TENM3: variants seen among roughly 807,000 people sequenced by gnomAD.
TENM3 encodes teneurin-3.
A neutral mutation model predicts 255.1 loss-of-function variants in TENM3; 63 were observed. The ratio of observed to expected loss-of-function variants is 0.25; its 90% confidence interval spans 0.20 to 0.30. The LOEUF is 0.30. Ranked by LOEUF, TENM3 falls within the 10% of genes least tolerant of loss-of-function variation. TENM3 has a pLI of 1.00. For synonymous variants in TENM3, 1,306 were observed against 1,322.3 expected, an observed-to-expected ratio of 0.99 and a Z score of 0.27; for missense variants, 2,929 against 3,461.1, an observed-to-expected ratio of 0.85 and a Z score of 3.86.
the TENM3 span, among the ~76,000 whole-genome samples, chr4:181,547,385 A>G: frequency 2.0e-5 from 3 of 152,218 alleles, no homozygotes; most frequent in Non-Finnish European, 4.4e-5. Flanking sequence ...TTAGAGGATC[A>G]ATCCAAAATA....
the TENM3 span, among the ~76,000 whole-genome samples, chr4:181,739,181 A>G: frequency 2.6e-5 from 4 of 152,212 alleles, no homozygotes; most frequent in South Asian, 8.3e-4. Context: ...ATTGCATTCA[A>G]TCAGCATCAG....
intron 7 of TENM3, among the ~76,000 whole-genome samples, chr4:182,677,892 A>G (rs187352093): frequency 1.3e-5 from 2 of 152,318 alleles, no homozygotes; most frequent in African/African-American, 4.8e-5. Context: ...TGATTCTCAG[A>G]AATTCCAACA....
the TENM3 span, among the ~76,000 whole-genome samples, chr4:182,073,832 G>C: frequency 6.6e-6 from 1 of 152,072 alleles, no homozygotes; most frequent in Non-Finnish European, 1.5e-5. Context: ...CAGGCATCAT[G>C]AAAACCCAAA....
intron 1 of TENM3, among the ~76,000 whole-genome samples, chr4:182,312,964 G>C (rs1250695183): frequency 6.6e-6 from 1 of 152,066 alleles, no homozygotes; most frequent in Non-Finnish European, 1.5e-5. Context: ...TATTACTAGT[G>C]TCTATTAAAT....
the TENM3 span, among the ~76,000 whole-genome samples, chr4:181,638,859 C>A: frequency 6.6e-6 from 1 of 152,110 alleles, no homozygotes; most frequent in Admixed American, 6.6e-5. Context: ...GGGCAATTAG[C>A]TTCTAAATTA....
intron 3 of TENM3, chr4:182,448,917 C>T (rs1773184870): frequency 5.8e-6 from 2 of 345,606 alleles, no homozygotes; most frequent in Non-Finnish European, 1.2e-5. Flanking sequence ...GCACCGCCCC[C>T]TCGGCGGCCG....
chr4:181,563,729 G>T, the TENM3 span, among the ~76,000 whole-genome samples: 4 of 152,072 alleles, frequency 2.6e-5, no homozygotes, highest in Non-Finnish European at 4.4e-5. Flanking sequence ...ACCCCAAATT[G>T]TCTCACTATT....
At chr4:182,685,239 T>C (rs2152571107) in intron 11 of TENM3, among the ~76,000 whole-genome samples, 1 of 152,258 alleles carries the variant, frequency 6.6e-6, no homozygotes, top group Non-Finnish European at 1.5e-5. Flanking sequence ...TCTTCTTCCC[T>C]TCCTTCCTGT....
At chr4:182,713,597 A>G (rs1758922534) in intron 12 of TENM3, among the ~76,000 whole-genome samples, 2 of 152,214 alleles carry the variant, frequency 1.3e-5, no homozygotes, top group Non-Finnish European at 2.9e-5. Flanking sequence ...TCTTTTTGAC[A>G]TCATTCATAT....
the TENM3 span, among the ~76,000 whole-genome samples, chr4:182,000,345 C>T: frequency 6.6e-6 from 1 of 152,010 alleles, no homozygotes; most frequent in African/African-American, 2.4e-5. Context: ...ACCACCGGGA[C>T]CTCCTTGATC....
chr4:181,562,078 C>T, the TENM3 span, among the ~76,000 whole-genome samples: 1 of 152,054 alleles, frequency 6.6e-6, no homozygotes, highest in African/African-American at 2.4e-5. Flanking sequence ...ATTAAGAGTA[C>T]TTTATGTTGT....
At chr4:181,938,899 T>G in the TENM3 span, among the ~76,000 whole-genome samples, 1 of 152,180 alleles carries the variant, frequency 6.6e-6, no homozygotes, top group Non-Finnish European at 1.5e-5. Context: ...TGGAAAAGGC[T>G]CAAAGTCCTA....
At chr4:181,819,459 A>G in the TENM3 span, among the ~76,000 whole-genome samples, 1 of 152,178 alleles carries the variant, frequency 6.6e-6, no homozygotes, top group East Asian at 1.9e-4. Flanking sequence ...TCCCACAACC[A>G]TGGAGAACAG....
intron 3 of TENM3, among the ~76,000 whole-genome samples, chr4:182,575,542 T>G (rs964884734): frequency 6.6e-6 from 1 of 152,152 alleles, no homozygotes; most frequent in African/African-American, 2.4e-5. Context: ...GCTTTTAATA[T>G]TCCATCTGCT....
the TENM3 span, among the ~76,000 whole-genome samples, chr4:181,959,102 A>T: frequency 6.6e-6 from 1 of 152,180 alleles, no homozygotes; most frequent in African/African-American, 2.4e-5. Context: ...AGAATCAAGT[A>T]TTAAATTCTG....
At chr4:181,658,701 C>T in the TENM3 span, among the ~76,000 whole-genome samples, 2 of 152,196 alleles carry the variant, frequency 1.3e-5, no homozygotes, top group African/African-American at 4.8e-5. Flanking sequence ...TTACCTAGCA[C>T]CTCACCTTCA....
the TENM3 span, among the ~76,000 whole-genome samples, chr4:181,559,549 A>C: frequency 1.3e-5 from 2 of 152,244 alleles, no homozygotes; most frequent in African/African-American, 4.8e-5. Context: ...GAAAAATTGC[A>C]TAATAACTTT....
At chr4:181,694,222 C>T in the TENM3 span, among the ~76,000 whole-genome samples, 2 of 152,160 alleles carry the variant, frequency 1.3e-5, no homozygotes. Flanking sequence ...CACAAAGAAA[C>T]ACAGCCTACA....
At chr4:181,938,600 C>T in the TENM3 span, among the ~76,000 whole-genome samples, 3 of 152,208 alleles carry the variant, frequency 2.0e-5, no homozygotes, top group Admixed American at 2.0e-4. Flanking sequence ...TTTTTATACA[C>T]AGCATACAGC....
Sources: gnomAD v4.1 joint callset for allele counts (sites outside exome capture counted in the v4.1 genomes callset) on GRCh38, gnomAD v4.1.1 for gene constraint, MANE v1.5 for transcripts, NCBI Gene and HGNC (gene_info 2026-07-23, HGNC 2026-07-21) for gene names.